NID2: variants seen among roughly 807,000 people sequenced by gnomAD.
The protein encoded by NID2 is nidogen 2.
A neutral mutation model predicts 145.4 loss-of-function variants in NID2; 83 were observed. That is an observed-to-expected ratio of 0.57 (90% CI 0.48 to 0.69). The LOEUF (loss-of-function observed/expected upper bound fraction) is 0.69. Ranked by LOEUF, NID2 falls within the 30% of genes least tolerant of loss-of-function variation. The pLI, the probability that NID2 is intolerant of heterozygous loss-of-function variation, is 0.00. For missense variants in NID2, 1,807 were observed against 1,765.7 expected (o/e 1.02, Z -0.42); for synonymous variants, 739 against 701.3 (o/e 1.05, Z -0.85).
Position 52,005,828 on chromosome 14 carries a change from A to G in NID2, c.4026T>C (p.Asn1342=), listed in dbSNP as rs370682054. The change falls in exon 21 of 22, where the codon AAT becomes AAC. Residue 1342 remains asparagine, a synonymous_variant. Coordinates refer to ENST00000216286, the MANE Select transcript of NID2 (RefSeq NM_007361.4). The stretch of plus-strand genomic sequence containing the variant: ...CATCAGTAAACTGGCCACTATGTTT[A>G]TTTACTGATACAACACCATCCCTGG... ...DWRRDGVVSV[N]KHSGQFTDEY... 5 of 1,611,992 alleles carry G rather than the reference A, an allele frequency of 3.1e-6. No individual in the cohort carries two copies. The African/African-American group carries it at 6.7e-5, about 22-fold the overall frequency.
intron 11 of NID2, 63 bp downstream of exon 11, chr14:52,028,659 G>C: frequency 6.4e-7 from 1 of 1,567,892 alleles, no homozygotes; most frequent in Non-Finnish European, 8.7e-7. Flanking sequence ...AACACTGACA[G>C]ATTAAAGAGC....
chr14:52,047,648 C>G (rs10400710), intron 5 of NID2, among the ~76,000 whole-genome samples: 1 of 151,856 alleles, frequency 6.6e-6, no homozygotes, highest in Non-Finnish European at 1.5e-5. Context: ...AAGGTGGAAC[C>G]GAGAGGGTTT....
chr14:52,011,791 A>T (rs1485245588), intron 16 of NID2, 108 bp from the exon 17 acceptor site: 1 of 1,321,146 alleles, frequency 7.6e-7, no homozygotes, highest in East Asian at 2.3e-5. Flanking sequence ...CTGCACTGTG[A>T]TCCTGCAGGC....
chr14:52,056,174 T>G (rs974882279), intron 3 of NID2, among the ~76,000 whole-genome samples: 2 of 152,152 alleles, frequency 1.3e-5, no homozygotes, highest in Non-Finnish European at 2.9e-5. Flanking sequence ...ATTATCACAT[T>G]AGAGGTGGTG....
chr14:52,008,241 C>T (rs1890870900), intron 18 of NID2: 1 of 316,394 alleles, frequency 3.2e-6, no homozygotes. Flanking sequence ...TGCCATGTTG[C>T]AAGCTACCCT....
chr14:52,037,436 C>T (rs2140394108), intron 9 of NID2, among the ~76,000 whole-genome samples: 1 of 152,186 alleles, frequency 6.6e-6, no homozygotes, highest in African/African-American at 2.4e-5. Context: ...TAATGCTATC[C>T]CTCCCCACTC....
intron 9 of NID2, among the ~76,000 whole-genome samples, chr14:52,036,640 C>T (rs1054764235): frequency 2.0e-5 from 3 of 152,128 alleles, no homozygotes; most frequent in African/African-American, 4.8e-5. Flanking sequence ...ATGAGGGTTC[C>T]GAATTTTCCA....
In NID2 at chr14:52,006,627, C is replaced by G. The variant is rs375705872; in HGVS notation, c.3914G>C (p.Gly1305Ala). The part of the protein sequence containing the change: ...TKKLECTLPD[G>A]TGRRVIQNNL... ...GTTTTGAATGACACGCCGTCCAGTT[C>G]CATCAGGTAGTGTACACTCCAGTTT... Residue 1305 changes from glycine to alanine, a missense_variant, in exon 20 of 22, where the codon GGA becomes GCA. Gly to Ala is a moderately conservative substitution (Grantham distance 60, BLOSUM62 0). Coordinates refer to ENST00000216286, the MANE Select transcript of NID2 (RefSeq NM_007361.4). 8.0e-5 allele frequency: 129 copies of G among 1,613,696 alleles called. No homozygotes were observed. Among genetic ancestry groups the G allele is most frequent in the Non-Finnish European group, 1.0e-4 (122 of 1,179,750 alleles).
chr14:52,065,418 T>C (rs1012930208), intron 2 of NID2, among the ~76,000 whole-genome samples: 1 of 151,222 alleles, frequency 6.6e-6, no homozygotes, highest in Non-Finnish European at 1.5e-5. Flanking sequence ...ATGTGGGTAA[T>C]TGAAAGAACA....
intron 13 of NID2, among the ~76,000 whole-genome samples, chr14:52,019,610 C>T (rs1308834263): frequency 1.3e-5 from 2 of 152,156 alleles, no homozygotes; most frequent in African/African-American, 4.8e-5. Context: ...CTCATTCATG[C>T]CCTGAGGCCC....
rs958605542 is a variant in NID2 at position 52,005,015 on chromosome 14, G to C, written c.*471C>G. 6.4e-6 allele frequency: 1 copy of C among 157,114 alleles called. No homozygotes were observed. The highest frequency in any genetic ancestry group is 1.4e-5 in the Non-Finnish European group (1 of 71,368). The allele number at this position is 157,114 out of a possible 1,614,324, so 9.7% of individuals were successfully genotyped here. A position where few individuals can be genotyped will look rare whatever the true frequency, so the allele number is the denominator to read the frequency against. On this transcript the variant is annotated 3_prime_UTR_variant, in exon 22 of 22. Coordinates refer to ENST00000216286, the MANE Select transcript of NID2 (RefSeq NM_007361.4). Reference sequence around the variant, plus strand: ...GTAAAAAATCTTAGAACTTTTGTTGGGAAACTATAAATAATTGGTCCTTTC... The same window carrying C: ...GTAAAAAATCTTAGAACTTTTGTTGCGAAACTATAAATAATTGGTCCTTTC...
Position 52,005,467 on chromosome 14 carries a change from T to C in NID2, c.*19A>G. Reference sequence around the variant, plus strand: ...AGGTTCTGATTGTAAACTCCAAGTCTTCCTTTACATTACTGTACTTACTTT... The same window carrying C: ...AGGTTCTGATTGTAAACTCCAAGTCCTCCTTTACATTACTGTACTTACTTT... On this transcript the variant is annotated 3_prime_UTR_variant, in exon 22 of 22. Transcript: ENST00000216286. 1 of 1,582,824 alleles carries C rather than the reference T, an allele frequency of 6.3e-7. No individual in the cohort carries two copies. The highest frequency in any genetic ancestry group is 8.6e-7 in the Non-Finnish European group (1 of 1,167,880).
chr14:52,057,703 C>CA (rs5808649), intron 3 of NID2, among the ~76,000 whole-genome samples: 71 of 89,592 alleles, frequency 7.9e-4, no homozygotes, highest in African/African-American at 1.5e-3. Flanking sequence ...ACCTCCGTCT[C>CA]AAAAAAAAAA....
chr14:52,063,378 G>A (rs1893080193), intron 2 of NID2, among the ~76,000 whole-genome samples: 1 of 152,194 alleles, frequency 6.6e-6, no homozygotes, highest in Non-Finnish European at 1.5e-5. Context: ...TGCAGGCCCT[G>A]TTATCAGAAA....
intron 2 of NID2, among the ~76,000 whole-genome samples, chr14:52,064,778 A>G (rs1386281465): frequency 6.6e-6 from 1 of 152,126 alleles, no homozygotes; most frequent in East Asian, 1.9e-4. Context: ...GCTCAGAACA[A>G]TCTCTCTTGA....
chr14:52,044,726 T>C (rs1892423769), intron 5 of NID2, among the ~76,000 whole-genome samples: 1 of 152,076 alleles, frequency 6.6e-6, no homozygotes, highest in Non-Finnish European at 1.5e-5. Context: ...GATCCTCCTA[T>C]TTCAGCCTTT....
intron 10 of NID2, 67 bp downstream of exon 10, chr14:52,029,480 A>T: frequency 2.0e-6 from 3 of 1,508,196 alleles, no homozygotes; most frequent in Admixed American, 1.8e-5. Context: ...TTCTACAGAC[A>T]TAAGGCTGGG....
At position 52,015,416 on chromosome 14, in the gene NID2, A is replaced by G. The variant is rs1891184676; in HGVS notation, c.3029-141T>C. On this transcript the variant is annotated intron_variant, in intron 14 of 21. Transcript: ENST00000216286. ...CCAGGTCTCAGCCAAGCCCGTGGAC[A>G]CCAAACTTGGGAAGCAAATGTGTTC... is the stretch of plus-strand genomic sequence containing the variant. 4 of 708,170 alleles carry G rather than the reference A, an allele frequency of 5.6e-6. No homozygotes were observed. The South Asian group carries it at 6.0e-5, about 11-fold the overall frequency. 43.9% of individuals were successfully genotyped at this position (708,170 alleles called of 1,614,324 possible).
chr14:52,006,193 A>G (rs1890774320), intron 20 of NID2: 1 of 398,548 alleles, frequency 2.5e-6, no homozygotes, highest in Non-Finnish European at 4.7e-6. Flanking sequence ...AGCCAACTTA[A>G]GCCCTGTAAT....
Sources: allele counts gnomAD v4.1 joint callset (sites outside exome capture counted in the v4.1 genomes callset), GRCh38; gene constraint gnomAD v4.1.1; transcripts MANE v1.5; gene names NCBI Gene and HGNC (gene_info 2026-07-23, HGNC 2026-07-21).